Variants in MAP3K20 observed in about 807,000 individuals in gnomAD.
The protein encoded by MAP3K20 is mitogen-activated protein kinase kinase kinase 20.
A neutral mutation model predicts 85.7 loss-of-function variants in MAP3K20; 40 were observed. That is an observed-to-expected ratio of 0.47 (90% confidence interval 0.36 to 0.61). MAP3K20 has a LOEUF of 0.61. MAP3K20 is among the 20% of genes least tolerant of loss of function. The probability of loss-of-function intolerance (pLI) is 0.00; values close to 1 mark genes in which losing one functional copy is unlikely to be tolerated. For synonymous variants in MAP3K20, 325 were observed against 327.7 expected (o/e 0.99, Z 0.09); for missense variants, 817 against 961.7 (o/e 0.85, Z 1.99).
intron 11 of MAP3K20, among the ~76,000 whole-genome samples, chr2:173,219,230 A>G (rs1354049617): frequency 6.6e-6 from 1 of 152,232 alleles, no homozygotes; most frequent in African/African-American, 2.4e-5. Context: ...GCTTTCCTGT[A>G]GGTGGCCTCA....
chr2:173,164,845 G>A (rs1689767878), intron 2 of MAP3K20, among the ~76,000 whole-genome samples: 1 of 152,128 alleles, frequency 6.6e-6, no homozygotes, highest in Non-Finnish European at 1.5e-5. Context: ...GGCAAACTGA[G>A]CTAATGGCTC....
chr2:173,136,922 A>G (rs973785972), intron 2 of MAP3K20, among the ~76,000 whole-genome samples: 56 of 152,236 alleles, frequency 3.7e-4, no homozygotes, highest in African/African-American at 1.3e-3. Flanking sequence ...TGCTTAGGTT[A>G]GGACCACTAT....
intron 2 of MAP3K20, among the ~76,000 whole-genome samples, chr2:173,091,945 C>G (rs759235220): frequency 6.6e-6 from 1 of 152,222 alleles, no homozygotes; most frequent in Non-Finnish European, 1.5e-5. Flanking sequence ...TCAGCAGCGA[C>G]CCTCTGGAGC....
chr2:173,266,376 A>G lies in MAP3K20; in HGVS notation c.2029A>G (p.Ser677Gly), dbSNP rs768407702. 29 of 1,614,060 alleles carry G rather than the reference A, an allele frequency of 1.8e-5. No individual in the cohort carries two copies. Among genetic ancestry groups the G allele is most frequent in the Non-Finnish European group, 2.4e-5 (28 of 1,180,030 alleles). ...SSERGRYSDR[S>G]RNKYGRGSIS... ...AGAGAGGGGTCGATACTCAGACAGAAGCAGGAACAAATATGGACGTGGTAG... is the reference window on the plus strand; with the variant it reads ...AGAGAGGGGTCGATACTCAGACAGAGGCAGGAACAAATATGGACGTGGTAG... The change falls in exon 20 of 20, where the codon AGC becomes GGC. Residue 677 changes from serine to glycine, a missense_variant. Physicochemically the swap from Ser to Gly is moderately conservative, Grantham distance 56 (BLOSUM62 0). Around this residue, in one of 4 missense-constraint regions of MAP3K20, gnomAD observed 454 missense variants for 476.9 expected, o/e 0.95. Coordinates refer to ENST00000375213, the MANE Select transcript of MAP3K20 (RefSeq NM_016653.3).
chr2:173,135,221 A>G (rs78818336), intron 2 of MAP3K20, among the ~76,000 whole-genome samples: 6,965 of 152,344 alleles, frequency 0.046, 346 homozygotes, highest in African/African-American at 0.12. Context: ...CATAAAGAGC[A>G]TTTAATTCTT....
At position 173,191,762 on chromosome 2, in the gene MAP3K20, T is replaced by G. The variant is rs181185920; in HGVS notation, c.582+585T>G. On this transcript the variant is annotated intron_variant, in intron 7 of 19. Transcript: ENST00000375213. ...TGAAGCGTGACTCTAAGGCATTACA[T>G]AAGAATCACAGCAGAGCCACATAGA... is the stretch of plus-strand genomic sequence containing the variant. 4.6e-5 allele frequency among the ~76,000 whole-genome samples: 7 copies of G among 152,222 alleles called. No individual in the cohort carries two copies. The East Asian group carries it at 1.2e-3, about 25-fold the overall frequency.
chr2:173,088,512 G>A (rs759562381), intron 1 of MAP3K20, among the ~76,000 whole-genome samples: 9 of 152,220 alleles, frequency 5.9e-5, no homozygotes, highest in Non-Finnish European at 1.0e-4. Context: ...ACAGAGTTCA[G>A]TGCCAGAAGA....
chr2:173,231,005 AT>A (rs79343322), intron 12 of MAP3K20, among the ~76,000 whole-genome samples: 7 of 152,074 alleles, frequency 4.6e-5, no homozygotes, highest in African/African-American at 1.4e-4. Flanking sequence ...CAAAAAAAAA[AT>A]TTTTTTTAAG....
intron 2 of MAP3K20, among the ~76,000 whole-genome samples, chr2:173,160,672 T>G (rs1216951446): frequency 6.6e-6 from 1 of 152,250 alleles, no homozygotes; most frequent in African/African-American, 2.4e-5. Context: ...GTTATAGATT[T>G]GTAAATACTG....
chr2:173,075,939 C>T lies in MAP3K20; in HGVS notation c.-98C>T. ...GGGCCGCTGTCGTCCCAACCCCCGC[C>T]GCCCTCGTCGCGCGCGGGGCCTCCG... On this transcript the variant is annotated 5_prime_UTR_variant, in exon 1 of 20. Transcript: ENST00000375213. The T allele has an allele frequency of 1.0e-6, 1 of 985,128 alleles. No homozygotes were observed. Among genetic ancestry groups the T allele is most frequent in the Non-Finnish European group, 1.2e-6 (1 of 829,886 alleles). The allele number at this position is 985,128 out of a possible 1,614,324, so 61.0% of individuals were successfully genotyped here.
At chr2:173,256,719 T>A (rs533169088) in intron 16 of MAP3K20, among the ~76,000 whole-genome samples, 1 of 152,354 alleles carries the variant, frequency 6.6e-6, no homozygotes, top group African/African-American at 2.4e-5. Flanking sequence ...AACATTTTAC[T>A]ATACTTGGCT....
intron 11 of MAP3K20, chr2:173,222,853 C>CTGTT: frequency 1.0e-6 from 1 of 985,320 alleles, no homozygotes; most frequent in Non-Finnish European, 1.2e-6. Flanking sequence ...ATGTTATCAC[C>CTGTT]TGTTTGTCAA....
At chr2:173,184,184 A>C (rs1690416660) in intron 4 of MAP3K20, among the ~76,000 whole-genome samples, 1 of 152,216 alleles carries the variant, frequency 6.6e-6, no homozygotes. Context: ...AGTAGAACAC[A>C]AGGACCAGCT....
chr2:173,086,051 T>C lies in MAP3K20; in HGVS notation c.-34-4947T>C, dbSNP rs531368196. Among the ~76,000 whole-genome samples the C allele has an allele frequency of 2.6e-3, 391 of 152,138 alleles. 1 individual carries two copies. Among genetic ancestry groups the C allele is most frequent in the African/African-American group, 9.0e-3 (374 of 41,486 alleles). ...CCTCAAGTGATCCACCCATCTCGGC[T>C]TCCCAAAGTGCTGGGACTATAGGCG... On this transcript the variant is annotated intron_variant, in intron 1 of 19. Transcript: ENST00000375213.
intron 2 of MAP3K20, among the ~76,000 whole-genome samples, chr2:173,098,182 A>G (rs1039870173): frequency 3.3e-5 from 5 of 152,230 alleles, no homozygotes; most frequent in African/African-American, 7.2e-5. Context: ...GACAATCGCT[A>G]TTGAGTTCTG....
intron 12 of MAP3K20, among the ~76,000 whole-genome samples, chr2:173,230,367 A>T (rs970541797): frequency 6.6e-6 from 1 of 152,194 alleles, no homozygotes; most frequent in African/African-American, 2.4e-5. Context: ...GCCTCGAGCC[A>T]TGGTAGAGGA....
chr2:173,180,231 C>G (rs1304879266), intron 3 of MAP3K20, among the ~76,000 whole-genome samples: 1 of 152,122 alleles, frequency 6.6e-6, no homozygotes, highest in African/African-American at 2.4e-5. Flanking sequence ...CTGTAGTAAT[C>G]AACATAATAC....
At chr2:173,078,978 A>G (rs964345507) in intron 1 of MAP3K20, among the ~76,000 whole-genome samples, 7 of 152,116 alleles carry the variant, frequency 4.6e-5, no homozygotes, top group Admixed American at 1.3e-4. Flanking sequence ...GTAAGTTAGG[A>G]ACAGTAGTAC....
chr2:173,099,959 C>T (rs1687589105), intron 2 of MAP3K20, among the ~76,000 whole-genome samples: 1 of 152,208 alleles, frequency 6.6e-6, no homozygotes, highest in Non-Finnish European at 1.5e-5. Context: ...TAACTGTTAA[C>T]GATCACTCGC....
Sources: gnomAD v4.1 joint callset for allele counts (sites outside exome capture counted in the v4.1 genomes callset) on GRCh38, gnomAD v4.1.1 for gene constraint, gnomAD v4.1.1 regional missense constraint, MANE v1.5 for transcripts, NCBI Gene and HGNC (gene_info 2026-07-23, HGNC 2026-07-21) for gene names.